The following GALNT10 variants were observed in gnomAD, a reference collection of about 807,000 sequenced individuals.
GALNT10 encodes polypeptide N-acetylgalactosaminyltransferase 10.
GALNT10 carries 41 observed loss-of-function variants against 75.0 expected under a neutral mutation model. That is an observed-to-expected ratio of 0.55 (90% CI 0.43 to 0.71). The LOEUF (loss-of-function observed/expected upper bound fraction) is 0.71. GALNT10 is among the 30% of genes least tolerant of loss of function. GALNT10 has a pLI of 0.00. For synonymous variants in GALNT10, 302 were observed against 313.0 expected, an observed-to-expected ratio of 0.96 and a Z score of 0.37; for missense variants, 727 against 818.5, an observed-to-expected ratio of 0.89 and a Z score of 1.36.
At chr5:154,347,189 T>C (rs1361334405) in intron 4 of GALNT10, 1 of 500,852 alleles carries the variant, frequency 2.0e-6, no homozygotes, top group Admixed American at 2.3e-5. Flanking sequence ...TTGTCTGATA[T>C]ACAACAGTGC....
chr5:154,361,096 T>TG (rs776066680), intron 4 of GALNT10, among the ~76,000 whole-genome samples: 1 of 152,130 alleles, frequency 6.6e-6, no homozygotes, highest in Non-Finnish European at 1.5e-5. Flanking sequence ...TATCTTTCCA[T>TG]GGGTTGTTTT....
chr5:154,413,765 A>G (rs1401238447), intron 10 of GALNT10, among the ~76,000 whole-genome samples: 2 of 152,238 alleles, frequency 1.3e-5, no homozygotes, highest in African/African-American at 4.8e-5. Context: ...TGACATTGGG[A>G]TAAACAATTA....
intron 1 of GALNT10, among the ~76,000 whole-genome samples, chr5:154,266,756 C>G (rs1231000410): frequency 6.6e-6 from 1 of 152,038 alleles, no homozygotes; most frequent in Non-Finnish European, 1.5e-5. Flanking sequence ...GTGGTGCCTA[C>G]CTGTAGTCCT....
intron 3 of GALNT10, among the ~76,000 whole-genome samples, chr5:154,316,883 G>A (rs889477165): frequency 1.3e-5 from 2 of 152,212 alleles, no homozygotes; most frequent in African/African-American, 4.8e-5. Context: ...TGCCCTTCCT[G>A]GGATGGCCAG....
At chr5:154,233,455 G>A (rs1753196423) in intron 1 of GALNT10, among the ~76,000 whole-genome samples, 1 of 152,216 alleles carries the variant, frequency 6.6e-6, no homozygotes, top group Non-Finnish European at 1.5e-5. Context: ...TCATTGTGCT[G>A]TCTCTGCAAG....
chr5:154,223,483 A>G (rs1014034096), intron 1 of GALNT10, among the ~76,000 whole-genome samples: 11 of 152,262 alleles, frequency 7.2e-5, no homozygotes, highest in African/African-American at 2.4e-4. Flanking sequence ...TAAGCAAGTT[A>G]TAAACAGAGC....
In GALNT10 at chr5:154,409,498, C is replaced by T. The variant is rs955745415; in HGVS notation, c.1165-43C>T. 4.5e-6 allele frequency: 6 copies of T among 1,342,446 alleles called. No homozygotes were observed. The highest frequency in any genetic ancestry group is 6.4e-6 in the Non-Finnish European group (6 of 931,724). The allele number at this position is 1,342,446 out of a possible 1,614,324, so 83.2% of individuals were successfully genotyped here. On this transcript the variant is annotated intron_variant, in intron 8 of 11. Coordinates refer to ENST00000297107, the MANE Select transcript of GALNT10 (RefSeq NM_198321.4). This position sits in a 1 kb window ranked among gnomAD's most constrained non-coding sequence, Gnocchi z 4.5. ...TTTTCACCCCACTGCCTGGCTTTGGCTTCTTGGAAAGACTGACCCCTCCAT... is the reference window on the plus strand; with the variant it reads ...TTTTCACCCCACTGCCTGGCTTTGGTTTCTTGGAAAGACTGACCCCTCCAT...
chr5:154,380,612 G>A lies in GALNT10; in HGVS notation c.919G>A (p.Asp307Asn). The stretch of plus-strand genomic sequence containing the variant: ...GATCCCTCCAGAACTGCAGAAAGCT[G>A]ACCCCAGCGACCCATTTGAGTAAGT... Reference protein sequence around the residue: ...IPIPPELQKADPSDPFESPVM... With the variant: ...IPIPPELQKANPSDPFESPVM... The change falls in exon 6 of 12, where the codon GAC (aspartate) becomes AAC (asparagine). Residue 307 changes from aspartate (D) to asparagine (N), a missense_variant. Transcript: ENST00000297107. 6.2e-7 allele frequency: 1 copy of A among 1,612,260 alleles called. No homozygotes were observed. The highest frequency in any genetic ancestry group is 8.5e-7 in the Non-Finnish European group (1 of 1,178,648).
At chr5:154,248,833 G>C (rs1011134879) in intron 1 of GALNT10, among the ~76,000 whole-genome samples, 4 of 152,214 alleles carry the variant, frequency 2.6e-5, no homozygotes, top group Non-Finnish European at 4.4e-5. Context: ...GGGAATGAGG[G>C]CATTTTTCTT....
At chr5:154,371,254 C>T (rs1307285609) in intron 4 of GALNT10, among the ~76,000 whole-genome samples, 2 of 152,266 alleles carry the variant, frequency 1.3e-5, no homozygotes, top group South Asian at 4.2e-4. Flanking sequence ...ATATACCAGC[C>T]ATTGGATGAG....
At chr5:154,391,722 G>GGT (rs1755899664) in intron 7 of GALNT10, among the ~76,000 whole-genome samples, 1 of 152,202 alleles carries the variant, frequency 6.6e-6, no homozygotes, top group Non-Finnish European at 1.5e-5. Flanking sequence ...GAAATTCCAG[G>GGT]GTAGACCCTA....
At chr5:154,362,290 C>A (rs1190448080) in intron 4 of GALNT10, among the ~76,000 whole-genome samples, 5 of 152,168 alleles carry the variant, frequency 3.3e-5, no homozygotes, top group African/African-American at 9.7e-5. Context: ...ACCAAACAGT[C>A]TTTCTGTCCA....
chr5:154,239,807 A>G (rs566400239), intron 1 of GALNT10, among the ~76,000 whole-genome samples: 1 of 152,182 alleles, frequency 6.6e-6, no homozygotes, highest in African/African-American at 2.4e-5. Flanking sequence ...CTGGCCTTGT[A>G]GTAATAGATA....
chr5:154,196,656 CTCTGGTAGCT>C (rs1037681063), intron 1 of GALNT10, among the ~76,000 whole-genome samples: 2 of 152,178 alleles, frequency 1.3e-5, no homozygotes, highest in Non-Finnish European at 2.9e-5. Context: ...GGTCTGTCTC[CTCTGGTAGCT>C]TCTACAAAAG....
intron 4 of GALNT10, among the ~76,000 whole-genome samples, chr5:154,364,395 G>A (rs759577629): frequency 6.6e-6 from 1 of 152,174 alleles, no homozygotes; most frequent in Non-Finnish European, 1.5e-5. Flanking sequence ...TATCAGATTA[G>A]TCTCTGGTAG....
chr5:154,411,473 A>G (rs1756396635), intron 9 of GALNT10, among the ~76,000 whole-genome samples: 1 of 152,246 alleles, frequency 6.6e-6, no homozygotes, highest in African/African-American at 2.4e-5. Context: ...AAGCAAGGGT[A>G]GGATGGACAC....
intron 1 of GALNT10, among the ~76,000 whole-genome samples, chr5:154,292,851 G>T (rs1754214950): frequency 6.6e-6 from 1 of 152,244 alleles, no homozygotes; most frequent in African/African-American, 2.4e-5. Context: ...GCAGTGCCGG[G>T]GTCCCCTCCT....
chr5:154,201,664 C>G (rs1026299938), intron 1 of GALNT10, among the ~76,000 whole-genome samples: 1 of 152,112 alleles, frequency 6.6e-6, no homozygotes, highest in Non-Finnish European at 1.5e-5. Flanking sequence ...GGCGTGGTGG[C>G]TCTCACCTGT....
chr5:154,415,399 G>T (rs145700177), intron 10 of GALNT10, among the ~76,000 whole-genome samples: 3,014 of 152,078 alleles, frequency 0.02, 113 homozygotes, highest in African/African-American at 0.069. Flanking sequence ...GGGCAGTGGT[G>T]CAGTCTCGGC....
Sources: gnomAD v4.1 joint callset for allele counts (sites outside exome capture counted in the v4.1 genomes callset) on GRCh38, gnomAD v4.1.1 for gene constraint, Gnocchi (gnomAD v3.1) non-coding constraint, MANE v1.5 for transcripts, NCBI Gene and HGNC (gene_info 2026-07-23, HGNC 2026-07-21) for gene names.